Variants in P4HB observed in about 807,000 individuals in gnomAD.
The protein encoded by P4HB is protein disulfide-isomerase.
Under a neutral mutation model 52.6 loss-of-function variants are expected in P4HB, and 20 were observed. The ratio of observed to expected loss-of-function variants is 0.38; its 90% CI spans 0.27 to 0.55. The LOEUF (loss-of-function observed/expected upper bound fraction) is 0.55, where lower values mean the gene tolerates loss of function less well. P4HB is among the 20% of genes least tolerant of loss of function. The pLI is 0.74. For missense variants in P4HB, 601 were observed against 669.2 expected (o/e 0.90, Z 1.12); for synonymous variants, 296 against 277.9 (o/e 1.07, Z -0.65).
chr17:81,850,732 C>T (rs1338783877), intron 4 of P4HB, among the ~76,000 whole-genome samples: 2 of 151,722 alleles, frequency 1.3e-5, no homozygotes, highest in Non-Finnish European at 2.9e-5. Flanking sequence ...ATCTGCCCGC[C>T]TTGGCCTCCC....
chr17:81,860,282 C>G, intron 1 of P4HB, 45 bp downstream of exon 1: 1 of 1,367,876 alleles, frequency 7.3e-7, no homozygotes, highest in East Asian at 3.1e-5. Context: ...AAGAGCCTGG[C>G]TCAGCGGCCC....
chr17:81,855,121 G>C lies in P4HB; in HGVS notation c.624+21C>G, dbSNP rs1308533924. The C allele has an allele frequency of 1.2e-6, 2 of 1,613,502 alleles. No individual in the cohort carries two copies. The highest frequency in any genetic ancestry group is 2.7e-5 in the African/African-American group (2 of 74,916). On this transcript the variant is annotated intron_variant, in intron 4 of 10. Coordinates refer to ENST00000331483, the MANE Select transcript of P4HB (RefSeq NM_000918.4). The surrounding 1 kb of genome is among the most constrained non-coding windows in gnomAD (Gnocchi z 4.3). The stretch of plus-strand genomic sequence containing the variant: ...ACCAACCCCAGAACTAACCTGGGCA[G>C]AGCTGCCTGGGGCCACTCACCTTCT...
At chr17:81,844,178 C>T (rs566204117) in intron 10 of P4HB, 86 bp from the exon 11 acceptor site, 21 of 957,656 alleles carry the variant, frequency 2.2e-5, no homozygotes, top group East Asian at 1.4e-4. Flanking sequence ...CTGCTCACAC[C>T]GGGGACTAGC....
Position 81,846,780 on chromosome 17 carries a change from G to T in P4HB, c.856-151C>A. 4 of 1,192,704 alleles carry T rather than the reference G, an allele frequency of 3.4e-6. No homozygotes were observed. The highest frequency in any genetic ancestry group is 4.8e-6 in the Non-Finnish European group (4 of 829,360). The allele number at this position is 1,192,704 out of a possible 1,614,324, so 73.9% of individuals were successfully genotyped here. On this transcript the variant is annotated intron_variant, in intron 6 of 10. Transcript: ENST00000331483. This position sits in a 1 kb window ranked among gnomAD's most constrained non-coding sequence, Gnocchi z 5.7. ...CAACCAGACCAGCAGGTGACTGGGAGCAGAGGTCTGGCCTGGCTGGCCCCT... is the reference window on the plus strand; with the variant it reads ...CAACCAGACCAGCAGGTGACTGGGATCAGAGGTCTGGCCTGGCTGGCCCCT...
chr17:81,855,689 C>T lies in P4HB; in HGVS notation c.353-103G>A. The T allele has an allele frequency of 1.5e-6, 2 of 1,326,838 alleles. No individual in the cohort carries two copies. Among genetic ancestry groups the T allele is most frequent in the Non-Finnish European group, 2.1e-6 (2 of 973,718 alleles). 82.2% of individuals were successfully genotyped at this position (1,326,838 alleles called of 1,614,324 possible). A position where few individuals can be genotyped will look rare whatever the true frequency, so the allele number is the denominator to read the frequency against. On this transcript the variant is annotated intron_variant, in intron 2 of 10. Coordinates refer to ENST00000331483, the MANE Select transcript of P4HB (RefSeq NM_000918.4). This position sits in a 1 kb window ranked among gnomAD's most constrained non-coding sequence, Gnocchi z 4.3. ...TCTCTGCCAGCCAGGCTGAGGACAC[C>T]TGAATCAACCTAAGTAAGATGTTCT...
intron 1 of P4HB, chr17:81,859,980 G>T: frequency 4.6e-6 from 1 of 218,304 alleles, no homozygotes; most frequent in Non-Finnish European, 9.0e-6. Flanking sequence ...AGCTGAAGGT[G>T]GGGTGGGCAG....
intron 10 of P4HB, 100 bp downstream of exon 10, chr17:81,845,044 A>G (rs2038711425): frequency 2.0e-6 from 2 of 996,578 alleles, no homozygotes; most frequent in Admixed American, 2.0e-5. Context: ...CGTGCCTCCA[A>G]TGGCACCATT....
chr17:81,845,386 T>C, intron 9 of P4HB, 156 bp from the exon 10 acceptor site: 1 of 836,424 alleles, frequency 1.2e-6, no homozygotes, highest in South Asian at 1.6e-5. Flanking sequence ...GCCTAGGCAA[T>C]ATAGTGAGAT....
Position 81,843,512 on chromosome 17 carries a change from G to A in P4HB, c.*500C>T, listed in dbSNP as rs200429607. 7 of 405,598 alleles carry A rather than the reference G, an allele frequency of 1.7e-5. No homozygotes were observed. Among genetic ancestry groups the A allele is most frequent in the African/African-American group, 1.2e-4 (6 of 48,698 alleles). 25.1% of individuals were successfully genotyped at this position (405,598 alleles called of 1,614,324 possible). ...CCCAAAAATGCAAGAGCCATGATCA[G>A]TCATGGCGACACTGCAGGCGGTACT... On this transcript the variant is annotated 3_prime_UTR_variant, in exon 11 of 11. Transcript: ENST00000331483.
In P4HB at chr17:81,846,393, C is replaced by G. The variant is rs188184624; in HGVS notation, c.1056+36G>C. 1 of 1,605,642 alleles carries G rather than the reference C, an allele frequency of 6.2e-7. No homozygotes were observed. The highest frequency in any genetic ancestry group is 8.5e-7 in the Non-Finnish European group (1 of 1,174,118). ...AGAGACCCCAAGGTGGCGGCTCTAC[C>G]CGGGAGGCAGCCCTGGCCCGGGGAC... On this transcript the variant is annotated intron_variant, in intron 7 of 10. Transcript: ENST00000331483. The surrounding 1 kb of genome is among the most constrained non-coding windows in gnomAD (Gnocchi z 5.7).
chr17:81,844,525 AC>A (rs1445813547), intron 10 of P4HB, among the ~76,000 whole-genome samples: 1 of 152,108 alleles, frequency 6.6e-6, no homozygotes, highest in Admixed American at 6.5e-5. Context: ...CTGGCCAATG[AC>A]AGGCCACAGG....
chr17:81,845,725 GACC>G lies in P4HB; in HGVS notation c.1192_1194del (p.Gly398del). 1 of 1,613,540 alleles carries G rather than the reference GACC, an allele frequency of 6.2e-7. No individual in the cohort carries two copies. The highest frequency in any genetic ancestry group is 8.5e-7 in the Non-Finnish European group (1 of 1,179,570). ...CAAATGGGAGCCAACTGTTTGCAGT[GACC>G]ACACCATGGGGCATCTGAAAAGAAA... is the stretch of plus-strand genomic sequence containing the variant. On this transcript the variant is annotated inframe_deletion, in exon 9 of 11. Coordinates refer to ENST00000331483, the MANE Select transcript of P4HB (RefSeq NM_000918.4).
chr17:81,855,644 G>A lies in P4HB; in HGVS notation c.353-58C>T, dbSNP rs1226573374. Reference sequence around the variant, plus strand: ...AACAGGGAGTGCCGCCTGCCCTGCCGCGCCTGCTCCCGTCTCTGCTCTCTG... The same window carrying A: ...AACAGGGAGTGCCGCCTGCCCTGCCACGCCTGCTCCCGTCTCTGCTCTCTG... On this transcript the variant is annotated intron_variant, in intron 2 of 10. Coordinates refer to ENST00000331483, the MANE Select transcript of P4HB (RefSeq NM_000918.4). This position sits in a 1 kb window ranked among gnomAD's most constrained non-coding sequence, Gnocchi z 4.3. The A allele has an allele frequency of 7.0e-6, 11 of 1,570,992 alleles. No individual in the cohort carries two copies. In the African/African-American group the frequency reaches 9.4e-5, roughly 13 times the overall value.
intron 4 of P4HB, among the ~76,000 whole-genome samples, chr17:81,849,476 C>T (rs1335477088): frequency 6.6e-6 from 1 of 152,028 alleles, no homozygotes; most frequent in East Asian, 1.9e-4. Context: ...AGCCTGGCAA[C>T]AGAGCAAGAC....
chr17:81,857,135 T>C (rs1001721182), intron 2 of P4HB, among the ~76,000 whole-genome samples: 1 of 152,152 alleles, frequency 6.6e-6, no homozygotes, highest in Non-Finnish European at 1.5e-5. Flanking sequence ...TTGCCCAGGA[T>C]GGCCCTCTGC....
In P4HB at chr17:81,846,238, G is replaced by T; in HGVS notation, c.1056+191C>A. On this transcript the variant is annotated intron_variant, in intron 7 of 10. Coordinates refer to ENST00000331483, the MANE Select transcript of P4HB (RefSeq NM_000918.4). The surrounding 1 kb of genome is among the most constrained non-coding windows in gnomAD (Gnocchi z 5.7). ...TCCCTGAGGAGCATCTGGGCCAGCC[G>T]TGTGGACAAGAGGGCTCCTACAGGT... 1.4e-6 allele frequency: 1 copy of T among 714,418 alleles called. No individual in the cohort carries two copies. Among genetic ancestry groups the T allele is most frequent in the South Asian group, 1.9e-5 (1 of 53,488 alleles). The allele number at this position is 714,418 out of a possible 1,614,324, so 44.3% of individuals were successfully genotyped here. A position where few individuals can be genotyped will look rare whatever the true frequency, so the allele number is the denominator to read the frequency against.
chr17:81,858,599 C>T (rs1179029458), intron 2 of P4HB, among the ~76,000 whole-genome samples: 3 of 152,186 alleles, frequency 2.0e-5, no homozygotes, highest in Admixed American at 2.0e-4. Flanking sequence ...ACGGCAGCTT[C>T]AGAGGCGGCA....
Position 81,846,707 on chromosome 17 carries a change from G to T in P4HB, c.856-78C>A. The T allele has an allele frequency of 6.9e-7, 1 of 1,443,792 alleles. No individual in the cohort carries two copies. Among genetic ancestry groups the T allele is most frequent in the South Asian group, 1.2e-5 (1 of 86,342 alleles). 89.4% of individuals were successfully genotyped at this position (1,443,792 alleles called of 1,614,324 possible). On this transcript the variant is annotated intron_variant, in intron 6 of 10. Transcript: ENST00000331483. The surrounding 1 kb of genome is among the most constrained non-coding windows in gnomAD (Gnocchi z 5.7). ...CCAGCCCTGACTTTGCTCGGAAGCA[G>T]ACCGTGCTCCGGTGCCTTTTTCCTC...
rs777096597 is a variant in P4HB at position 81,845,638 on chromosome 17, T to C, written c.1282A>G (p.Thr428Ala). ...TTGACGGCCTCCACCTCGTTGGCAGTCGAGTCCATCTTGGCGATGACGATG... is the reference window on the plus strand; with the variant it reads ...TTGACGGCCTCCACCTCGTTGGCAGCCGAGTCCATCTTGGCGATGACGATG... ...ENIVIAKMDS[T>A]ANEVEAVKVH... Residue 428 changes from threonine (T) to alanine (A), a missense_variant, in exon 9 of 11, where the codon ACT becomes GCT. By Grantham distance (58) the Thr-to-Ala change is moderately conservative (BLOSUM62 0). Coordinates refer to ENST00000331483, the MANE Select transcript of P4HB (RefSeq NM_000918.4). The C allele has an allele frequency of 5.0e-6, 8 of 1,613,694 alleles. No homozygotes were observed. The highest frequency in any genetic ancestry group is 6.8e-6 in the Non-Finnish European group (8 of 1,179,650).
Sources: gnomAD v4.1 joint callset for allele counts (sites outside exome capture counted in the v4.1 genomes callset) on GRCh38, gnomAD v4.1.1 for gene constraint, Gnocchi (gnomAD v3.1) non-coding constraint, MANE v1.5 for transcripts, NCBI Gene and HGNC (gene_info 2026-07-23, HGNC 2026-07-21) for gene names.